The following CSNK1G3 variants were observed in gnomAD, a reference collection of about 807,000 sequenced individuals.
CSNK1G3 encodes the protein casein kinase 1 gamma 3.
In CSNK1G3, 23 loss-of-function variants were observed where a neutral mutation model predicts 64.3. The ratio of observed to expected loss-of-function variants is 0.36; its 90% CI spans 0.26 to 0.51. The LOEUF (loss-of-function observed/expected upper bound fraction) is 0.51, where lower values mean the gene tolerates loss of function less well. CSNK1G3 is among the 20% of genes least tolerant of loss of function. CSNK1G3 has a pLI of 0.96. For synonymous variants in CSNK1G3, 158 were observed against 162.2 expected (o/e 0.97, Z 0.20); for missense variants, 357 against 510.5 (o/e 0.70, Z 2.90).
At chr5:123,528,392 T>TTGAGAATCATCTATATTG in intron 1 of CSNK1G3, among the ~76,000 whole-genome samples, 2 of 152,318 alleles carry the variant, frequency 1.3e-5, no homozygotes, top group East Asian at 3.9e-4. Context: ...GTTCATTCAT[T>TTGAGAATCATCTATATTG]TATTCACTTA....
At chr5:123,547,060 A>G (rs1782648029) in intron 2 of CSNK1G3, among the ~76,000 whole-genome samples, 1 of 152,080 alleles carries the variant, frequency 6.6e-6, no homozygotes, top group South Asian at 2.1e-4. Context: ...CGTGTTTATA[A>G]TCTGTTATTA....
At chr5:123,541,928 T>C (rs1781738828) in intron 1 of CSNK1G3, among the ~76,000 whole-genome samples, 1 of 152,124 alleles carries the variant, frequency 6.6e-6, no homozygotes, top group Admixed American at 6.6e-5. Flanking sequence ...TAATGTTTAG[T>C]CTTCCATTTT....
chr5:123,566,503 C>T (rs182299179), intron 4 of CSNK1G3, among the ~76,000 whole-genome samples: 15 of 152,200 alleles, frequency 9.9e-5, no homozygotes, highest in Admixed American at 3.3e-4. Context: ...CTGAGCCTGT[C>T]GTGCCCTCTT....
intron 6 of CSNK1G3, among the ~76,000 whole-genome samples, chr5:123,577,777 AATT>A (rs1412600512): frequency 1.3e-5 from 2 of 151,872 alleles, no homozygotes; most frequent in African/African-American, 4.8e-5. Flanking sequence ...TTGATTATAT[AATT>A]TGTGAGTATT....
At chr5:123,616,335 T>C (rs1054795403) in exon 13 of CSNK1G3, 3 of 152,614 alleles carry the variant, frequency 2.0e-5, no homozygotes, top group African/African-American at 7.2e-5. Flanking sequence ...CATGCGAATA[T>C]CTGTATTTCT....
At chr5:123,530,625 C>T (rs1580926887) in intron 1 of CSNK1G3, among the ~76,000 whole-genome samples, 1 of 152,102 alleles carries the variant, frequency 6.6e-6, no homozygotes, top group East Asian at 1.9e-4. Flanking sequence ...CATTAATGGG[C>T]CCTGATCCAC....
chr5:123,517,584 G>T (rs574326619), intron 1 of CSNK1G3, among the ~76,000 whole-genome samples: 3 of 151,956 alleles, frequency 2.0e-5, no homozygotes, highest in Non-Finnish European at 4.4e-5. Context: ...TATTTTTCAC[G>T]TTTGTAAAAT....
chr5:123,599,295 G>C (rs1012799869), intron 10 of CSNK1G3, among the ~76,000 whole-genome samples: 1 of 152,152 alleles, frequency 6.6e-6, no homozygotes, highest in African/African-American at 2.4e-5. Context: ...ACAGTCTTTG[G>C]TTTGAATCTA....
chr5:123,616,812 G>T (rs1749530450), exon 13 of CSNK1G3: 1 of 152,070 alleles, frequency 6.6e-6, no homozygotes, highest in South Asian at 2.1e-4. Context: ...GTAAAATAAT[G>T]TCACTCCCTA....
intron 6 of CSNK1G3, among the ~76,000 whole-genome samples, chr5:123,586,472 G>A (rs1440666335): frequency 6.6e-6 from 1 of 152,114 alleles, no homozygotes; most frequent in Non-Finnish European, 1.5e-5. Context: ...AGTGGATGTA[G>A]ATGGACTTTA....
chr5:123,521,555 T>A (rs1387013779), intron 1 of CSNK1G3, among the ~76,000 whole-genome samples: 1 of 152,172 alleles, frequency 6.6e-6, no homozygotes, highest in Admixed American at 6.6e-5. Context: ...CTAATGAAGG[T>A]GGTTTTTTTA....
exon 8 of CSNK1G3, chr5:123,588,484 A>G (rs776274755): frequency 3.9e-5 from 63 of 1,612,022 alleles, no homozygotes; most frequent in Admixed American, 3.3e-5. Flanking sequence ...GGCTACACCA[A>G]TAGAAGTGTT....
chr5:123,547,889 T>C (rs1782853503), intron 2 of CSNK1G3, among the ~76,000 whole-genome samples: 1 of 152,150 alleles, frequency 6.6e-6, no homozygotes, highest in African/African-American at 2.4e-5. Context: ...AAAATGTTAT[T>C]ATGAGCATTA....
chr5:123,596,916 G>A (rs926485556), intron 10 of CSNK1G3, among the ~76,000 whole-genome samples: 3 of 152,004 alleles, frequency 2.0e-5, no homozygotes, highest in African/African-American at 7.2e-5. Context: ...AATAAAGACT[G>A]AATTCATTTA....
chr5:123,545,878 A>T (rs1782441053), intron 2 of CSNK1G3, 37 bp downstream of exon 2: 1 of 1,485,698 alleles, frequency 6.7e-7, no homozygotes, highest in South Asian at 1.2e-5. Context: ...TGTTAGAAAC[A>T]TTTTAAAAAT....
chr5:123,525,491 A>T (rs1778894222), intron 1 of CSNK1G3, among the ~76,000 whole-genome samples: 1 of 151,304 alleles, frequency 6.6e-6, no homozygotes, highest in African/African-American at 2.4e-5. Context: ...TTGTATTTTC[A>T]CCATGTTGAC....
rs555489872 is a variant in CSNK1G3, at chr5:123,615,901, T to A, written c.*1505T>A. On this transcript the variant is annotated 3_prime_UTR_variant, in exon 13 of 13. Transcript: ENST00000345990. ...TCAAGGTAACATTTAAGATGTATAT[T>A]AAAGTAAAGCTACATTTTTTTACTT... is the stretch of plus-strand genomic sequence containing the variant. 6.6e-5 allele frequency: 10 copies of A among 152,112 alleles called. No homozygotes were observed. In the East Asian group the frequency reaches 1.7e-3, roughly 26 times the overall value. The allele number at this position is 152,112 out of a possible 1,614,324, so 9.4% of individuals were successfully genotyped here.
At chr5:123,542,636 A>T (rs1180526241) in intron 1 of CSNK1G3, among the ~76,000 whole-genome samples, 2 of 152,140 alleles carry the variant, frequency 1.3e-5, no homozygotes, top group African/African-American at 2.4e-5. Context: ...GAATTGATCA[A>T]CACCTGTGGC....
At chr5:123,609,863 T>A (rs1366729587) in intron 12 of CSNK1G3, among the ~76,000 whole-genome samples, 2 of 151,732 alleles carry the variant, frequency 1.3e-5, no homozygotes, top group African/African-American at 4.9e-5. Context: ...ACTTAATGCT[T>A]TAGTCAATGG....
Sources: allele counts gnomAD v4.1 joint callset (sites outside exome capture counted in the v4.1 genomes callset), GRCh38; gene constraint gnomAD v4.1.1; transcripts MANE v1.5; gene names NCBI Gene and HGNC (gene_info 2026-07-23, HGNC 2026-07-21).